The following FAM13B variants were observed in gnomAD, a reference collection of about 807,000 sequenced individuals.
FAM13B encodes the protein protein FAM13B.
In FAM13B, 60 loss-of-function variants were observed where a neutral mutation model predicts 117.3. The observed-to-expected ratio is 0.51, with a 90% CI of 0.42 to 0.63. FAM13B has a LOEUF of 0.63. Ranked by LOEUF, FAM13B falls within the 30% of genes least tolerant of loss-of-function variation. The probability of loss-of-function intolerance (pLI) is 0.00; values close to 1 mark genes in which losing one functional copy is unlikely to be tolerated. For synonymous variants in FAM13B, 332 were observed against 356.1 expected, an observed-to-expected ratio of 0.93 and a Z score of 0.76; for missense variants, 972 against 1,091.9, an observed-to-expected ratio of 0.89 and a Z score of 1.55.
Position 138,018,446 on chromosome 5 carries a change from T to C in FAM13B, c.226A>G (p.Arg76Gly). ...NAETVEWLRQ[R>G]YDSGEEVDLV... ...TCCACCTCTTCTCCGCTGTCGTATC[T>C]CTGCCGAAGCCACTCCACTGTCTCA... The change falls in exon 4 of 24, where the codon AGA (arginine) becomes GGA (glycine). Residue 76 changes from arginine (R) to glycine (G), a missense_variant. Coordinates refer to ENST00000689681, the MANE Select transcript of FAM13B (RefSeq NM_001385994.1). The C allele has an allele frequency of 6.2e-7, 1 of 1,614,202 alleles. No homozygotes were observed. The highest frequency in any genetic ancestry group is 8.5e-7 in the Non-Finnish European group (1 of 1,180,030).
chr5:138,041,110 A>G (rs1791489813), intron 1 of FAM13B, among the ~76,000 whole-genome samples: 1 of 152,106 alleles, frequency 6.6e-6, no homozygotes, highest in Non-Finnish European at 1.5e-5. Context: ...TCTTCAAAGA[A>G]AAGATAATTT....
At chr5:137,963,481 T>C (rs115248575) in intron 10 of FAM13B, among the ~76,000 whole-genome samples, 3,005 of 152,352 alleles carry the variant, frequency 0.02, 40 homozygotes, top group Non-Finnish European at 0.031. Context: ...CCAGTTTTAA[T>C]TCCTAATATG....
At chr5:138,017,409 T>C (rs372425022) in intron 4 of FAM13B, among the ~76,000 whole-genome samples, 4 of 152,198 alleles carry the variant, frequency 2.6e-5, no homozygotes, top group East Asian at 1.9e-4. Flanking sequence ...CCAGCTGTGA[T>C]AGAGATAGGC....
At chr5:137,983,874 A>G (rs900859265) in intron 10 of FAM13B, among the ~76,000 whole-genome samples, 57 of 152,214 alleles carry the variant, frequency 3.7e-4, no homozygotes, top group Non-Finnish European at 7.3e-5. Flanking sequence ...GCAGAATACA[A>G]AACCTAAGTC....
intron 10 of FAM13B, among the ~76,000 whole-genome samples, chr5:137,977,153 C>T (rs1774264695): frequency 6.6e-6 from 1 of 152,096 alleles, no homozygotes; most frequent in Non-Finnish European, 1.5e-5. Flanking sequence ...ATGAAATAAG[C>T]CCCAGTCTCC....
chr5:137,954,005 G>T (rs747930683), intron 15 of FAM13B, among the ~76,000 whole-genome samples, 161 bp downstream of exon 15: 1 of 149,892 alleles, frequency 6.7e-6, no homozygotes. Flanking sequence ...CAGTGAGAAA[G>T]CTCTGAATTC....
intron 10 of FAM13B, among the ~76,000 whole-genome samples, chr5:137,977,571 T>C (rs1478349816): frequency 2.0e-5 from 3 of 152,166 alleles, no homozygotes; most frequent in East Asian, 3.9e-4. Flanking sequence ...AGCCAATGCT[T>C]AGGGAAAATA....
chr5:137,951,040 T>C (rs138791368), intron 17 of FAM13B, among the ~76,000 whole-genome samples: 1 of 151,842 alleles, frequency 6.6e-6, no homozygotes, highest in East Asian at 1.9e-4. Flanking sequence ...CAATGCCATC[T>C]CTACTAAGAA....
At chr5:138,022,184 G>T (rs1246102930) in intron 1 of FAM13B, among the ~76,000 whole-genome samples, 1 of 151,860 alleles carries the variant, frequency 6.6e-6, no homozygotes, top group Non-Finnish European at 1.5e-5. Context: ...GATAACATAG[G>T]TATGCAGTAG....
intron 11 of FAM13B, 79 bp downstream of exon 11, chr5:137,962,326 T>C (rs749616299): frequency 6.1e-6 from 7 of 1,146,084 alleles, no homozygotes; most frequent in South Asian, 1.3e-5. Flanking sequence ...TGGACATTCA[T>C]CTAAAAAAAT....
intron 10 of FAM13B, 126 bp from the exon 11 acceptor site, chr5:137,962,595 A>G (rs915510443): frequency 2.7e-6 from 2 of 752,234 alleles, no homozygotes; most frequent in African/African-American, 1.8e-5. Flanking sequence ...ATCATTTATA[A>G]TAGTCTGTAG....
intron 10 of FAM13B, among the ~76,000 whole-genome samples, chr5:137,984,561 CTT>C: frequency 6.6e-6 from 1 of 152,172 alleles, no homozygotes; most frequent in Non-Finnish European, 1.5e-5. Context: ...TTGTTTTTCT[CTT>C]GTTAACCAAT....
At chr5:138,029,015 C>G (rs1025417503) in intron 1 of FAM13B, among the ~76,000 whole-genome samples, 1 of 149,832 alleles carries the variant, frequency 6.7e-6, no homozygotes, top group Admixed American at 6.7e-5. Flanking sequence ...AACGAGACTT[C>G]GTCTCAAAAA....
chr5:138,000,267 T>A (rs897901517), intron 7 of FAM13B, among the ~76,000 whole-genome samples: 1 of 152,108 alleles, frequency 6.6e-6, no homozygotes, highest in African/African-American at 2.4e-5. Context: ...GGCATGGTGC[T>A]GCATGCCTGT....
chr5:137,977,844 TTTAA>T (rs1296306146), intron 10 of FAM13B, among the ~76,000 whole-genome samples: 1 of 152,236 alleles, frequency 6.6e-6, no homozygotes, highest in Non-Finnish European at 1.5e-5. Context: ...ATAAATTTTC[TTTAA>T]TTATTTGATT....
intron 10 of FAM13B, among the ~76,000 whole-genome samples, chr5:137,972,746 A>G (rs1772624044): frequency 6.6e-6 from 1 of 152,030 alleles, no homozygotes; most frequent in Non-Finnish European, 1.5e-5. Context: ...TAAGCTGATA[A>G]GCAACTTCAG....
chr5:138,028,740 A>G (rs1164321707), intron 1 of FAM13B, among the ~76,000 whole-genome samples: 1 of 152,196 alleles, frequency 6.6e-6, no homozygotes, highest in Non-Finnish European at 1.5e-5. Flanking sequence ...AAATTAGGCC[A>G]GGTGCAGTGG....
chr5:138,016,624 G>A (rs914379828), intron 4 of FAM13B, among the ~76,000 whole-genome samples: 1 of 151,924 alleles, frequency 6.6e-6, no homozygotes, highest in Non-Finnish European at 1.5e-5. Context: ...ACAGAGCAAG[G>A]ACATTTCAAA....
At chr5:137,988,454 C>A in intron 7 of FAM13B, 139 bp from the exon 8 acceptor site, 2 of 619,916 alleles carry the variant, frequency 3.2e-6, no homozygotes, top group Non-Finnish European at 2.8e-6. Flanking sequence ...GTTTACATAT[C>A]AAGTTGGAAA....
Sources: allele counts gnomAD v4.1 joint callset (sites outside exome capture counted in the v4.1 genomes callset), GRCh38; gene constraint gnomAD v4.1.1; transcripts MANE v1.5; gene names NCBI Gene and HGNC (gene_info 2026-07-23, HGNC 2026-07-21).